The following CCDC80 variants were observed in gnomAD, a reference collection of about 807,000 sequenced individuals.
CCDC80 encodes coiled-coil domain-containing protein 80.
Under a neutral mutation model 78.7 loss-of-function variants are expected in CCDC80, and 49 were observed. The observed-to-expected ratio is 0.62, with a 90% CI of 0.50 to 0.79. The LOEUF (loss-of-function observed/expected upper bound fraction) is 0.79, where lower values mean the gene tolerates loss of function less well. Among genes scored for constraint, CCDC80 ranks in the 30% least tolerant of loss-of-function variants. The pLI is 0.00. For missense variants in CCDC80, 1,205 were observed against 1,198.6 expected (o/e 1.01, Z -0.08); for synonymous variants, 488 against 447.0 (o/e 1.09, Z -1.16).
At position 112,618,349 on chromosome 3, in the gene CCDC80, T is replaced by C. The variant is rs532172418; in HGVS notation, c.2172+619A>G. ...TCCTTGCTAACACAGTGAAACCCCA[T>C]CTCTACTAAAAATACAAAAATAAAA... On this transcript the variant is annotated intron_variant, in intron 4 of 7. Coordinates refer to ENST00000206423, the MANE Select transcript of CCDC80 (RefSeq NM_199511.3). Among the ~76,000 whole-genome samples, 16 of 152,090 alleles carry C rather than the reference T, an allele frequency of 1.1e-4. No individual in the cohort carries two copies. In the South Asian group the frequency reaches 3.1e-3, roughly 30 times the overall value.
intron 3 of CCDC80, among the ~76,000 whole-genome samples, chr3:112,625,298 A>G (rs991579456): frequency 6.6e-6 from 1 of 152,218 alleles, no homozygotes; most frequent in Admixed American, 6.5e-5. Context: ...ATATTTAAAC[A>G]TTGTTGTTGG....
intron 3 of CCDC80, among the ~76,000 whole-genome samples, chr3:112,626,526 T>C (rs534670093): frequency 1.3e-5 from 2 of 152,284 alleles, no homozygotes; most frequent in African/African-American, 4.8e-5. Context: ...ACTATCATTC[T>C]CATTTTGTTT....
chr3:112,605,130 A>G lies in CCDC80; in HGVS notation c.*287T>C. 3.8e-6 allele frequency: 1 copy of G among 265,412 alleles called. No homozygotes were observed. Among genetic ancestry groups the G allele is most frequent in the African/African-American group, 2.2e-5 (1 of 45,714 alleles). 16.4% of individuals were successfully genotyped at this position (265,412 alleles called of 1,614,324 possible). A position where few individuals can be genotyped will look rare whatever the true frequency, so the allele number is the denominator to read the frequency against. ...TATTTTATAAAATTTTATATGCCAAATAAGGTCCTTCATATAAGAAAAGGA... is the reference window on the plus strand; with the variant it reads ...TATTTTATAAAATTTTATATGCCAAGTAAGGTCCTTCATATAAGAAAAGGA... On this transcript the variant is annotated 3_prime_UTR_variant, in exon 8 of 8. Coordinates refer to ENST00000206423, the MANE Select transcript of CCDC80 (RefSeq NM_199511.3).
In CCDC80 at chr3:112,639,262, T is replaced by C. The variant is rs1219377147; in HGVS notation, c.644A>G (p.Asp215Gly). ...CATCAGCTTAGGGATGAGGCTAGGG[T>C]CCAGGGGCTGCTCCAGGATCTGGCC... ...SEGQILEQPL[D>G]PSLIPKLMSF... The change falls in exon 2 of 8, where the codon GAC (aspartate) becomes GGC (glycine). Residue 215 changes from aspartate (D) to glycine (G), a missense_variant. Coordinates refer to ENST00000206423, the MANE Select transcript of CCDC80 (RefSeq NM_199511.3). 1 of 1,614,102 alleles carries C rather than the reference T, an allele frequency of 6.2e-7. No homozygotes were observed. The highest frequency in any genetic ancestry group is 8.5e-7 in the Non-Finnish European group (1 of 1,179,992).
At chr3:112,625,392 G>A (rs1192233707) in intron 3 of CCDC80, among the ~76,000 whole-genome samples, 3 of 152,150 alleles carry the variant, frequency 2.0e-5, no homozygotes, top group Admixed American at 6.5e-5. Context: ...TAACAATCCT[G>A]TTTCTTAGAC....
intron 7 of CCDC80, among the ~76,000 whole-genome samples, chr3:112,606,302 G>A (rs772195681): frequency 6.6e-6 from 1 of 152,264 alleles, no homozygotes; most frequent in Admixed American, 6.5e-5. Flanking sequence ...TGCTGTGTCC[G>A]GCATTCTGCC....
At chr3:112,620,253 T>C (rs1448552832) in intron 3 of CCDC80, among the ~76,000 whole-genome samples, 4 of 152,200 alleles carry the variant, frequency 2.6e-5, no homozygotes, top group Non-Finnish European at 5.9e-5. Flanking sequence ...GAAGGAGCTT[T>C]ATTTCTCCAA....
At chr3:112,640,088 C>A (rs1466141895) in intron 1 of CCDC80, 172 bp from the exon 2 acceptor site, 1 of 725,938 alleles carries the variant, frequency 1.4e-6, no homozygotes, top group Non-Finnish European at 1.7e-6. Flanking sequence ...GGGATGAGAT[C>A]CTGTTACTTT....
In CCDC80 at chr3:112,599,020, A is replaced by G. The variant is rs1460289237; in HGVS notation, c.*6397T>C. On this transcript the variant is annotated 3_prime_UTR_variant, in exon 8 of 8. Transcript: ENST00000206423. ...ATTGGACATCAGTTCAACCACAGGA[A>G]GCCTCTAAATTTAGCACTCTACTCA... 1 of 152,234 alleles carries G rather than the reference A, an allele frequency of 6.6e-6. No homozygotes were observed. Among genetic ancestry groups the G allele is most frequent in the Non-Finnish European group, 1.5e-5 (1 of 68,046 alleles). The allele number at this position is 152,234 out of a possible 1,614,324, so 9.4% of individuals were successfully genotyped here. A position where few individuals can be genotyped will look rare whatever the true frequency, so the allele number is the denominator to read the frequency against.
rs1465429886 is a variant in CCDC80, at chr3:112,603,803, C to A, written c.*1614G>T. The A allele has an allele frequency of 6.6e-6, 1 of 151,962 alleles. No individual in the cohort carries two copies. Among genetic ancestry groups the A allele is most frequent in the Non-Finnish European group, 1.5e-5 (1 of 68,050 alleles). 9.4% of individuals were successfully genotyped at this position (151,962 alleles called of 1,614,324 possible). The stretch of plus-strand genomic sequence containing the variant: ...ATCCCGCTAATGGATCTGGGCAAAG[C>A]AAATTAAAAACCTGGAAAGGATTCA... On this transcript the variant is annotated 3_prime_UTR_variant, in exon 8 of 8. Coordinates refer to ENST00000206423, the MANE Select transcript of CCDC80 (RefSeq NM_199511.3).
chr3:112,612,013 G>T (rs1442372934), intron 5 of CCDC80, among the ~76,000 whole-genome samples: 2 of 149,188 alleles, frequency 1.3e-5, no homozygotes, highest in African/African-American at 2.5e-5. Context: ...AGTATTGCTT[G>T]CTGTGACATT....
intron 3 of CCDC80, among the ~76,000 whole-genome samples, chr3:112,623,337 G>A (rs746599491): frequency 1.1e-4 from 16 of 152,144 alleles, no homozygotes; most frequent in Non-Finnish European, 1.2e-4. Flanking sequence ...TAGGCATTAC[G>A]CTTAAAGCTT....
At position 112,596,838 on chromosome 3, in the gene CCDC80, GAAGAAA is replaced by G. The variant is rs1448533697; in HGVS notation, c.*8573_*8578del. On this transcript the variant is annotated 3_prime_UTR_variant, in exon 8 of 8. Transcript: ENST00000206423. Reference sequence around the variant, plus strand: ...TTTACAGGCAAAGGATATAGTACAAGAAGAAAAAGAGAATACAGATGACATCGGGGG... The same window carrying G: ...TTTACAGGCAAAGGATATAGTACAAGAAGAGAATACAGATGACATCGGGGG... 1 of 151,928 alleles carries G rather than the reference GAAGAAA, an allele frequency of 6.6e-6. No homozygotes were observed. The highest frequency in any genetic ancestry group is 2.4e-5 in the African/African-American group (1 of 41,390). 9.4% of individuals were successfully genotyped at this position (151,928 alleles called of 1,614,324 possible). A position where few individuals can be genotyped will look rare whatever the true frequency, so the allele number is the denominator to read the frequency against.
At chr3:112,621,482 C>T (rs1440606206) in intron 3 of CCDC80, among the ~76,000 whole-genome samples, 1 of 152,174 alleles carries the variant, frequency 6.6e-6, no homozygotes, top group Non-Finnish European at 1.5e-5. Context: ...CTAACCAAGC[C>T]CAGCCCAGAT....
intron 5 of CCDC80, among the ~76,000 whole-genome samples, chr3:112,613,674 C>G (rs1935677257): frequency 6.6e-6 from 1 of 152,134 alleles, no homozygotes; most frequent in South Asian, 2.1e-4. Context: ...ATGTCTGTAG[C>G]TGCCAGTCTC....
chr3:112,607,962 A>G (rs1337516390), intron 6 of CCDC80, among the ~76,000 whole-genome samples: 2 of 152,214 alleles, frequency 1.3e-5, no homozygotes, highest in African/African-American at 2.4e-5. Context: ...CTCACACAAA[A>G]CTGTAGTGGC....
rs143731063 is a variant in CCDC80 at position 112,600,821 on chromosome 3, A to G, written c.*4596T>C. On this transcript the variant is annotated 3_prime_UTR_variant, in exon 8 of 8. Transcript: ENST00000206423. ...CTGCTCCTGGCTCCCTCATTATTAT[A>G]TTTCCTGAAGTTGACATGATTTGGG... The G allele has an allele frequency of 6.6e-6, 1 of 152,202 alleles. No individual in the cohort carries two copies. Among genetic ancestry groups the G allele is most frequent in the African/African-American group, 2.4e-5 (1 of 41,510 alleles). The allele number at this position is 152,202 out of a possible 1,614,324, so 9.4% of individuals were successfully genotyped here.
At chr3:112,616,917 G>A in intron 4 of CCDC80, 59 bp from the exon 5 acceptor site, 1 of 1,523,880 alleles carries the variant, frequency 6.6e-7, no homozygotes, top group Non-Finnish European at 9.0e-7. Context: ...TCTCTATTCA[G>A]AGGATAGAGA....
intron 4 of CCDC80, 87 bp downstream of exon 4, chr3:112,618,881 C>A: frequency 1.4e-6 from 2 of 1,389,772 alleles, no homozygotes; most frequent in Non-Finnish European, 9.9e-7. Context: ...TATGCTTACT[C>A]GTACATTGAA....
Sources: allele counts gnomAD v4.1 joint callset (sites outside exome capture counted in the v4.1 genomes callset), GRCh38; gene constraint gnomAD v4.1.1; transcripts MANE v1.5; gene names NCBI Gene and HGNC (gene_info 2026-07-23, HGNC 2026-07-21).